Variants in ZNF385B observed in about 807,000 individuals in gnomAD.
The protein encoded by ZNF385B is zinc finger protein 385B.
ZNF385B carries 23 observed loss-of-function variants against 39.2 expected under a neutral mutation model. The observed-to-expected ratio is 0.59, with a 90% CI of 0.42 to 0.83. The LOEUF (loss-of-function observed/expected upper bound fraction) is 0.83, where lower values mean the gene tolerates loss of function less well. Ranked by LOEUF, ZNF385B falls within the 40% of genes least tolerant of loss-of-function variation. The probability of loss-of-function intolerance (pLI) is 0.00; values close to 1 mark genes in which losing one functional copy is unlikely to be tolerated. For missense variants in ZNF385B, 552 were observed against 598.9 expected (o/e 0.92, Z 0.82); for synonymous variants, 205 against 222.6 (o/e 0.92, Z 0.70).
chr2:179,471,191 T>C (rs1029403649), intron 6 of ZNF385B, among the ~76,000 whole-genome samples: 2 of 152,192 alleles, frequency 1.3e-5, no homozygotes, highest in African/African-American at 4.8e-5. Context: ...GAAATAGATA[T>C]GACGTTGCAT....
chr2:179,729,233 A>G (rs186492045), intron 3 of ZNF385B, among the ~76,000 whole-genome samples: 37 of 152,234 alleles, frequency 2.4e-4, no homozygotes, highest in Non-Finnish European at 5.1e-4. Flanking sequence ...CCTGAAAGAC[A>G]CAGGTAAAAA....
At chr2:179,714,494 G>C (rs1379958484) in intron 3 of ZNF385B, among the ~76,000 whole-genome samples, 1 of 152,046 alleles carries the variant, frequency 6.6e-6, no homozygotes, top group African/African-American at 2.4e-5. Context: ...GGCAGATCTG[G>C]GCAAGTGTTG....
chr2:179,664,823 AT>A (rs1694943272), intron 3 of ZNF385B, among the ~76,000 whole-genome samples: 1 of 152,162 alleles, frequency 6.6e-6, no homozygotes, highest in Admixed American at 6.5e-5. Flanking sequence ...ACAGAAACAT[AT>A]TTGGAAGGAA....
chr2:179,574,500 T>C (rs1357496111), intron 3 of ZNF385B, among the ~76,000 whole-genome samples: 1 of 152,158 alleles, frequency 6.6e-6, no homozygotes, highest in East Asian at 1.9e-4. Context: ...GGCTAAAAAA[T>C]ATCTCTGAAT....
rs983173847 is a variant in ZNF385B at position 179,552,230 on chromosome 2, A to G, written c.299-7261T>C. On this transcript the variant is annotated intron_variant, in intron 3 of 9. Coordinates refer to ENST00000410066, the MANE Select transcript of ZNF385B (RefSeq NM_152520.6). ...ATAATCTTAAAAGCCCATTTAGATT[A>G]TAACTTTGAGACTTCCTAGTGGCTC... Among the ~76,000 whole-genome samples the G allele has an allele frequency of 1.0e-4, 15 of 149,508 alleles. 2 individuals are homozygous for G. Among genetic ancestry groups the G allele is most frequent in the African/African-American group, 3.0e-4 (12 of 39,830 alleles).
chr2:179,737,912 C>T (rs906644809), intron 3 of ZNF385B, among the ~76,000 whole-genome samples: 1 of 152,216 alleles, frequency 6.6e-6, no homozygotes, highest in Non-Finnish European at 1.5e-5. Context: ...TACTCCACTG[C>T]TTCTCCTGAA....
chr2:179,788,217 A>G (rs1705120251), intron 1 of ZNF385B, among the ~76,000 whole-genome samples: 1 of 151,736 alleles, frequency 6.6e-6, no homozygotes, highest in Non-Finnish European at 1.5e-5. Flanking sequence ...ACACACACGC[A>G]CACACACATA....
At chr2:179,833,940 G>A (rs1708113240) in intron 1 of ZNF385B, among the ~76,000 whole-genome samples, 1 of 152,098 alleles carries the variant, frequency 6.6e-6, no homozygotes. Context: ...TTTGTTGTTG[G>A]TATTGATATT....
intron 3 of ZNF385B, among the ~76,000 whole-genome samples, chr2:179,645,584 T>G (rs572529170): frequency 2.2e-4 from 33 of 152,316 alleles, no homozygotes; most frequent in Non-Finnish European, 4.4e-4. Flanking sequence ...TCGAGCTTTA[T>G]GGTTCTCCCA....
At chr2:179,653,539 A>G (rs953432653) in intron 3 of ZNF385B, among the ~76,000 whole-genome samples, 1 of 152,176 alleles carries the variant, frequency 6.6e-6, no homozygotes, top group Admixed American at 6.5e-5. Flanking sequence ...ACCTGTCCAC[A>G]TCTCTGTAAG....
intron 3 of ZNF385B, among the ~76,000 whole-genome samples, chr2:179,585,144 C>A (rs887139674): frequency 1.3e-5 from 2 of 152,148 alleles, no homozygotes; most frequent in Non-Finnish European, 2.9e-5. Flanking sequence ...AGAGAGATAC[C>A]TTCAAGACAT....
intron 3 of ZNF385B, among the ~76,000 whole-genome samples, chr2:179,689,285 G>A (rs930823373): frequency 1.3e-5 from 2 of 152,146 alleles, no homozygotes; most frequent in South Asian, 4.1e-4. Context: ...GGTAAAAGCC[G>A]AGAACCAAGG....
intron 6 of ZNF385B, among the ~76,000 whole-genome samples, chr2:179,469,886 C>G (rs2052540278): frequency 6.6e-6 from 1 of 152,192 alleles, no homozygotes; most frequent in Non-Finnish European, 1.5e-5. Flanking sequence ...GTGCCCTTCG[C>G]TGTCAGCTGT....
rs1046337834 is a variant in ZNF385B, at chr2:179,517,531, T to G, written c.552+997A>C. On this transcript the variant is annotated intron_variant, in intron 5 of 9. Coordinates refer to ENST00000410066, the MANE Select transcript of ZNF385B (RefSeq NM_152520.6). The stretch of plus-strand genomic sequence containing the variant: ...TCTCTTTTCCAATGACTATGATTTT[T>G]TATTATGCTTCCTATGTAGAATTAT... 8.0e-5 allele frequency among the ~76,000 whole-genome samples: 12 copies of G among 149,960 alleles called. 1 individual carries two copies. Among genetic ancestry groups the G allele is most frequent in the African/African-American group, 2.9e-4 (12 of 41,348 alleles).
chr2:179,768,106 C>T (rs1703811758), intron 3 of ZNF385B, among the ~76,000 whole-genome samples: 1 of 151,598 alleles, frequency 6.6e-6, no homozygotes, highest in African/African-American at 2.4e-5. Context: ...TGTGCCACCA[C>T]ACCTGACTAA....
intron 1 of ZNF385B, among the ~76,000 whole-genome samples, chr2:179,800,281 T>C (rs1705945142): frequency 6.6e-6 from 1 of 152,042 alleles, no homozygotes; most frequent in African/African-American, 2.4e-5. Flanking sequence ...GAATATTATA[T>C]GACATAAACT....
At chr2:179,706,193 T>G (rs10803928) in intron 3 of ZNF385B, among the ~76,000 whole-genome samples, 47,904 of 152,092 alleles carry the variant, frequency 0.31, 8,222 homozygotes, top group East Asian at 0.69. Flanking sequence ...AGGGATCAAG[T>G]CCCCTTTTTG....
chr2:179,516,153 G>A (rs868702482), intron 5 of ZNF385B, among the ~76,000 whole-genome samples: 2 of 151,706 alleles, frequency 1.3e-5, no homozygotes, highest in African/African-American at 2.4e-5. Flanking sequence ...TATTTCCATT[G>A]TATGGCTTTA....
chr2:179,479,691 T>C (rs1056363387), intron 6 of ZNF385B, among the ~76,000 whole-genome samples: 4 of 151,870 alleles, frequency 2.6e-5, no homozygotes, highest in Non-Finnish European at 4.4e-5. Flanking sequence ...AATACAAAAA[T>C]TAGCCTGGCT....
Sources: allele counts gnomAD v4.1 joint callset (sites outside exome capture counted in the v4.1 genomes callset), GRCh38; gene constraint gnomAD v4.1.1; transcripts MANE v1.5; gene names NCBI Gene and HGNC (gene_info 2026-07-23, HGNC 2026-07-21).